KCNMA1: variants seen among roughly 807,000 people sequenced by gnomAD.
KCNMA1 encodes Calcium-activated potassium channel subunit alpha-1.
In KCNMA1, 29 loss-of-function variants were observed where a neutral mutation model predicts 140.0. The ratio of observed to expected loss-of-function variants is 0.21; its 90% CI spans 0.15 to 0.28. The LOEUF is 0.28. Among genes scored for constraint, KCNMA1 ranks in the 10% least tolerant of loss-of-function variants. The probability of loss-of-function intolerance (pLI) is 1.00; values close to 1 mark genes in which losing one functional copy is unlikely to be tolerated. For missense variants in KCNMA1, 880 were observed against 1,602.2 expected, an observed-to-expected ratio of 0.55 and a Z score of 7.70; for synonymous variants, 612 against 611.9, an observed-to-expected ratio of 1.00 and a Z score of 0.00.
chr10:77,055,878 T>C (rs921505332), intron 14 of KCNMA1, among the ~76,000 whole-genome samples: 3 of 152,200 alleles, frequency 2.0e-5, no homozygotes, highest in Middle Eastern at 3.2e-3. Flanking sequence ...AAATTGTTTA[T>C]AAACTCTGGG....
At position 77,404,092 on chromosome 10, in the gene KCNMA1, A is replaced by C; in HGVS notation, c.379-69T>G. On this transcript the variant is annotated intron_variant, in intron 1 of 27. Transcript: ENST00000286628. ...ATTTAAATAACATGCTCTACCCATA[A>C]AGAACCAGAGCCAGAAGGGGTCCCC... 3 of 1,545,678 alleles carry C rather than the reference A, an allele frequency of 1.9e-6. No homozygotes were observed. The East Asian group carries it at 6.7e-5, about 35-fold the overall frequency.
intron 1 of KCNMA1, among the ~76,000 whole-genome samples, chr10:77,433,139 CA>C (rs1282537066): frequency 6.6e-6 from 1 of 152,098 alleles, no homozygotes; most frequent in Non-Finnish European, 1.5e-5. Flanking sequence ...GTTTATTTGT[CA>C]AGAGAAACTA....
chr10:77,041,849 T>A (rs2094722842), intron 14 of KCNMA1, among the ~76,000 whole-genome samples: 1 of 152,148 alleles, frequency 6.6e-6, no homozygotes, highest in African/African-American at 2.4e-5. Context: ...GGCATCTTGC[T>A]GGCAGCCAGT....
chr10:77,577,172 G>A (rs1603637403), intron 1 of KCNMA1, among the ~76,000 whole-genome samples: 1 of 150,882 alleles, frequency 6.6e-6, no homozygotes, highest in Non-Finnish European at 1.5e-5. Context: ...TCAGCCTCCC[G>A]AGTGGCTGGG....
chr10:76,885,036 G>A lies in KCNMA1; in HGVS notation c.*2230C>T. The stretch of plus-strand genomic sequence containing the variant: ...TGTTGCACTTTAGAGAGAGAAGTAA[G>A]CTATGTGAGTTTTACAATGCTTTTA... On this transcript the variant is annotated 3_prime_UTR_variant, in exon 28 of 28. Coordinates refer to ENST00000286628, the MANE Select transcript of KCNMA1 (RefSeq NM_001161352.2). The A allele has an allele frequency of 6.5e-6, 10 of 1,547,386 alleles. No individual in the cohort carries two copies. The highest frequency in any genetic ancestry group is 8.7e-6 in the Non-Finnish European group (10 of 1,145,560).
At chr10:77,428,357 C>A (rs2097072869) in intron 1 of KCNMA1, among the ~76,000 whole-genome samples, 1 of 152,138 alleles carries the variant, frequency 6.6e-6, no homozygotes, top group African/African-American at 2.4e-5. Context: ...ATAACGAGGT[C>A]TCTGATGAGA....
At chr10:77,024,220 G>A (rs1326317716) in intron 16 of KCNMA1, among the ~76,000 whole-genome samples, 1 of 152,164 alleles carries the variant, frequency 6.6e-6, no homozygotes, top group Non-Finnish European at 1.5e-5. Context: ...GCCAACAGCA[G>A]AGGTGCAACC....
At chr10:77,144,423 G>A (rs2098248101) in intron 5 of KCNMA1, among the ~76,000 whole-genome samples, 1 of 152,146 alleles carries the variant, frequency 6.6e-6, no homozygotes, top group Admixed American at 6.5e-5. Context: ...GTTCAAGGGA[G>A]GAGAGAGCAG....
chr10:76,891,967 G>T (rs768087429), intron 25 of KCNMA1, among the ~76,000 whole-genome samples: 1 of 152,092 alleles, frequency 6.6e-6, no homozygotes, highest in Non-Finnish European at 1.5e-5. Flanking sequence ...TTAGTAAAGG[G>T]CTCAAATCTG....
At chr10:77,231,928 T>A (rs2053744053) in intron 3 of KCNMA1, among the ~76,000 whole-genome samples, 1 of 152,200 alleles carries the variant, frequency 6.6e-6, no homozygotes, top group Non-Finnish European at 1.5e-5. Context: ...CCTGTAGCCT[T>A]CAGCTATCAA....
chr10:77,496,423 C>T (rs1011973751), intron 1 of KCNMA1, among the ~76,000 whole-genome samples: 4 of 151,846 alleles, frequency 2.6e-5, no homozygotes, highest in Admixed American at 2.6e-4. Flanking sequence ...GGTGAAACCC[C>T]GTCTCTACTA....
intron 1 of KCNMA1, among the ~76,000 whole-genome samples, chr10:77,539,398 G>T (rs1195649429): frequency 6.6e-6 from 1 of 152,202 alleles, no homozygotes; most frequent in Non-Finnish European, 1.5e-5. Context: ...ACAGGTAAGA[G>T]AATAGACATG....
At chr10:77,440,997 T>C (rs2154513193) in intron 1 of KCNMA1, among the ~76,000 whole-genome samples, 1 of 151,814 alleles carries the variant, frequency 6.6e-6, no homozygotes, top group Admixed American at 6.5e-5. Flanking sequence ...TTTTTCTGTT[T>C]TTTTTTCAGT....
intron 14 of KCNMA1, among the ~76,000 whole-genome samples, chr10:77,059,171 T>G (rs989249489): frequency 8.5e-5 from 13 of 152,148 alleles, no homozygotes; most frequent in Admixed American, 8.5e-4. Flanking sequence ...TTAACCTGAA[T>G]AGTCCTATAA....
At chr10:77,443,241 G>C (rs550064086) in intron 1 of KCNMA1, among the ~76,000 whole-genome samples, 2 of 152,116 alleles carry the variant, frequency 1.3e-5, no homozygotes, top group Non-Finnish European at 2.9e-5. Flanking sequence ...CAGTGGTCCC[G>C]GCAGGCTTCC....
chr10:77,419,365 G>A (rs555075463), intron 1 of KCNMA1, among the ~76,000 whole-genome samples: 1 of 152,302 alleles, frequency 6.6e-6, no homozygotes, highest in African/African-American at 2.4e-5. Context: ...GACAGGGATG[G>A]AGACCTTTTT....
intron 1 of KCNMA1, among the ~76,000 whole-genome samples, chr10:77,461,801 G>C (rs1035437735): frequency 6.6e-6 from 1 of 152,074 alleles, no homozygotes; most frequent in African/African-American, 2.4e-5. Context: ...TTCCTTCCCC[G>C]TGAGTCTGCC....
At chr10:76,874,230 T>C (rs2031939040), downstream of KCNMA1, 3 of 152,192 alleles carry the variant, frequency 2.0e-5, no homozygotes, top group South Asian at 6.2e-4. Flanking sequence ...ACCTACCTAT[T>C]CTATGTCCAG....
chr10:77,007,653 G>GTGTGTGTATATATATATATATTTATATA, intron 18 of KCNMA1, among the ~76,000 whole-genome samples: 1 of 88,482 alleles, frequency 1.1e-5, no homozygotes, highest in Non-Finnish European at 2.3e-5. Context: ...TTGTGTGTGT[G>GTGTGTGTATATATATATATATTTATATA]TATATATATA....
Sources: allele counts gnomAD v4.1 joint callset (sites outside exome capture counted in the v4.1 genomes callset), GRCh38; gene constraint gnomAD v4.1.1; transcripts MANE v1.5; gene names NCBI Gene and HGNC (gene_info 2026-07-23, HGNC 2026-07-21).